The following TRAK1 variants were observed in gnomAD, a reference collection of about 807,000 sequenced individuals.
The protein encoded by TRAK1 is trafficking kinesin-binding protein 1.
A neutral mutation model predicts 92.1 loss-of-function variants in TRAK1; 33 were observed. The observed-to-expected ratio is 0.36, with a 90% confidence interval of 0.27 to 0.48. The LOEUF (loss-of-function observed/expected upper bound fraction) is 0.48. Ranked by LOEUF, TRAK1 falls within the 20% of genes least tolerant of loss-of-function variation. The pLI is 0.99. For synonymous variants in TRAK1, 521 were observed against 517.3 expected (o/e 1.01, Z -0.10); for missense variants, 1,123 against 1,257.9 (o/e 0.89, Z 1.62).
intron 1 of TRAK1, among the ~76,000 whole-genome samples, chr3:42,110,813 G>A (rs918568073): frequency 7.2e-5 from 11 of 152,216 alleles, no homozygotes; most frequent in African/African-American, 2.4e-4. Flanking sequence ...TCTGCTCAGT[G>A]TTTGTGAGGG....
intron 4 of TRAK1, among the ~76,000 whole-genome samples, chr3:42,187,088 A>G (rs1023333100): frequency 2.0e-5 from 3 of 152,208 alleles, no homozygotes; most frequent in East Asian, 1.9e-4. Flanking sequence ...GTGATTTGCA[A>G]AGCCATCTCA....
At chr3:42,191,825 A>G (rs1248552730) in intron 7 of TRAK1, among the ~76,000 whole-genome samples, 189 bp downstream of exon 7, 8 of 146,040 alleles carry the variant, frequency 5.5e-5, no homozygotes, top group Admixed American at 2.1e-4. Flanking sequence ...GTTGCCAGCT[A>G]TGTATTATCT....
intron 1 of TRAK1, among the ~76,000 whole-genome samples, chr3:42,053,012 C>T (rs1157511123): frequency 6.6e-6 from 1 of 152,160 alleles, no homozygotes; most frequent in Non-Finnish European, 1.5e-5. Context: ...CTGGGCTACT[C>T]CATTGCCATT....
chr3:42,217,220 C>G, intron 14 of TRAK1: 1 of 984,706 alleles, frequency 1.0e-6, no homozygotes, highest in Non-Finnish European at 1.2e-6. Flanking sequence ...GGGTGACTCA[C>G]TGTCTCTCTG....
chr3:42,127,159 T>A lies in TRAK1; in HGVS notation c.286+1545T>A, dbSNP rs143184905. On this transcript the variant is annotated intron_variant, in intron 2 of 15. Transcript: ENST00000327628. ...ACAGTAACCTCCTTGGTAGATTTTG[T>A]ATTTGCTTTTTTCAGACTGTAGACG... Among the ~76,000 whole-genome samples the A allele has an allele frequency of 3.5e-3, 540 of 152,276 alleles. 5 individuals are homozygous for A. The highest frequency in any genetic ancestry group is 0.024 in the Admixed American group (367 of 15,296).
At chr3:42,046,246 A>G (rs971755597) in intron 1 of TRAK1, among the ~76,000 whole-genome samples, 1 of 152,144 alleles carries the variant, frequency 6.6e-6, no homozygotes, top group African/African-American at 2.4e-5. Flanking sequence ...TTGGAACCAG[A>G]AGCTTTGCTT....
intron 2 of TRAK1, among the ~76,000 whole-genome samples, chr3:42,154,863 G>A (rs1366497210): frequency 2.0e-5 from 3 of 152,114 alleles, no homozygotes; most frequent in African/African-American, 7.2e-5. Context: ...CAGGTGAAGT[G>A]GAGAGAAAGA....
intron 2 of TRAK1, among the ~76,000 whole-genome samples, chr3:42,133,370 T>C (rs1295271829): frequency 6.6e-6 from 1 of 152,162 alleles, no homozygotes; most frequent in African/African-American, 2.4e-5. Flanking sequence ...CCTTTTCTTT[T>C]TTTGTTTTGT....
At chr3:42,021,587 A>G (rs1300750410) in intron 1 of TRAK1, among the ~76,000 whole-genome samples, 1 of 151,956 alleles carries the variant, frequency 6.6e-6, no homozygotes, top group Non-Finnish European at 1.5e-5. Context: ...TACAGTTATT[A>G]TTTTTTTGAA....
intron 4 of TRAK1, chr3:42,185,053 G>A (rs1704595901): frequency 6.4e-6 from 3 of 466,134 alleles, no homozygotes; most frequent in South Asian, 7.0e-5. Flanking sequence ...GCTAAGGGCG[G>A]GCATGGTCCT....
At chr3:42,177,622 G>T (rs1218156576) in intron 3 of TRAK1, among the ~76,000 whole-genome samples, 2 of 152,146 alleles carry the variant, frequency 1.3e-5, no homozygotes, top group African/African-American at 2.4e-5. Flanking sequence ...ATGATTTTGG[G>T]GCGTGTGACT....
chr3:42,060,764 A>G (rs959313840), intron 1 of TRAK1, among the ~76,000 whole-genome samples: 3 of 150,726 alleles, frequency 2.0e-5, no homozygotes, highest in Admixed American at 6.6e-5. Flanking sequence ...AGTAACTGGG[A>G]TTGCATGTGC....
chr3:42,113,796 G>A (rs971075666), intron 1 of TRAK1, among the ~76,000 whole-genome samples: 5 of 151,904 alleles, frequency 3.3e-5, no homozygotes, highest in South Asian at 2.1e-4. Flanking sequence ...TCAAGTGATC[G>A]TCCTGCCTCA....
intron 1 of TRAK1, among the ~76,000 whole-genome samples, chr3:42,042,245 T>C (rs1702573281): frequency 6.6e-6 from 1 of 151,930 alleles, no homozygotes; most frequent in African/African-American, 2.4e-5. Context: ...GTTTGTTGAA[T>C]GTTTTTATCA....
intron 1 of TRAK1, among the ~76,000 whole-genome samples, chr3:42,056,662 A>C (rs1242946469): frequency 6.6e-6 from 1 of 152,178 alleles, no homozygotes; most frequent in East Asian, 1.9e-4. Flanking sequence ...TTACCCAGAA[A>C]TCTAGAAGAA....
intron 13 of TRAK1, among the ~76,000 whole-genome samples, chr3:42,207,249 T>C (rs937719647): frequency 6.6e-6 from 1 of 152,236 alleles, no homozygotes; most frequent in African/African-American, 2.4e-5. Flanking sequence ...GGAATGTGCC[T>C]GCACAGCCAG....
At position 42,202,002 on chromosome 3, in the gene TRAK1, C is replaced by CA. The variant is rs1485829033; in HGVS notation, c.1428-433dup. Among the ~76,000 whole-genome samples the CA allele has an allele frequency of 6.6e-6, 1 of 152,026 alleles. No individual in the cohort carries two copies. On this transcript the variant is annotated intron_variant, in intron 12 of 15. Transcript: ENST00000327628. This position sits in a 1 kb window ranked among gnomAD's most constrained non-coding sequence, Gnocchi z 6.1. ...ATTCTTCCGGACCAGTTGGAACAGA[C>CA]AGACAGGAAGCTCCTTGATCAGAGC...
chr3:42,193,185 T>C lies in TRAK1; in HGVS notation c.880T>C (p.Leu294=). Residue 294 remains leucine (L), a synonymous_variant, in exon 8 of 16, where the codon TTG becomes CTG. Transcript: ENST00000327628. ...ACACCTGCTATCGCAAATAGTTGATTTGCAGAAAAAGGCAAAAGCTGTAAG... is the reference window on the plus strand; with the variant it reads ...ACACCTGCTATCGCAAATAGTTGATCTGCAGAAAAAGGCAAAAGCTGTAAG... The part of the protein sequence containing the change: ...ITHLLSQIVD[L]QKKAKACAVE... 6.2e-7 allele frequency: 1 copy of C among 1,614,118 alleles called. No individual in the cohort carries two copies. Among genetic ancestry groups the C allele is most frequent in the Non-Finnish European group, 8.5e-7 (1 of 1,179,994 alleles).
Position 42,041,188 on chromosome 3 carries a change from G to A in TRAK1, c.-519+27071G>A, listed in dbSNP as rs538942300. On this transcript the variant is annotated intron_variant, in intron 1 of 16. Transcript: ENST00000487159. ...TTTTGGTAGGAGTTGCATTGAATCT[G>A]TAGATCAATTTCAGGAGTATTGACA... 2.0e-5 allele frequency among the ~76,000 whole-genome samples: 3 copies of A among 147,820 alleles called. No individual in the cohort carries two copies. In the East Asian group the frequency reaches 5.9e-4, roughly 29 times the overall value.
Sources: gnomAD v4.1 joint callset for allele counts (sites outside exome capture counted in the v4.1 genomes callset) on GRCh38, gnomAD v4.1.1 for gene constraint, Gnocchi (gnomAD v3.1) non-coding constraint, MANE v1.5 for transcripts, NCBI Gene and HGNC (gene_info 2026-07-23, HGNC 2026-07-21) for gene names.